PCSK5: variants seen among roughly 807,000 people sequenced by gnomAD.
PCSK5 encodes the protein proprotein convertase subtilisin/kexin type 5, also known as prohormone convertase 5.
In PCSK5, 129 loss-of-function variants were observed where a neutral mutation model predicts 233.2. The observed-to-expected ratio is 0.55, with a 90% confidence interval of 0.48 to 0.64. The LOEUF (loss-of-function observed/expected upper bound fraction) is 0.64. Among genes scored for constraint, PCSK5 ranks in the 30% least tolerant of loss-of-function variants. The pLI is 0.00. For synonymous variants in PCSK5, 825 were observed against 879.2 expected (o/e 0.94, Z 1.09); for missense variants, 2,076 against 2,430.1 (o/e 0.85, Z 3.06).
intron 21 of PCSK5, among the ~76,000 whole-genome samples, chr9:76,228,811 T>C (rs982859508): frequency 2.0e-5 from 3 of 152,226 alleles, no homozygotes; most frequent in African/African-American, 7.2e-5. Context: ...CCCTCTGCTT[T>C]GCATTATGGT....
At chr9:76,156,959 G>C in intron 10 of PCSK5, 86 bp from the exon 11 acceptor site, 1 of 826,082 alleles carries the variant, frequency 1.2e-6, no homozygotes, top group South Asian at 1.4e-5. Context: ...GGATCCCATA[G>C]GGTGGTGTCT....
chr9:76,323,956 A>C (rs1829286636), intron 32 of PCSK5, among the ~76,000 whole-genome samples: 1 of 132,420 alleles, frequency 7.6e-6, no homozygotes. Context: ...TTTGAGACAG[A>C]GTCTCACTCT....
chr9:75,908,484 C>G (rs142353237), intron 1 of PCSK5, among the ~76,000 whole-genome samples: 264 of 152,286 alleles, frequency 1.7e-3, no homozygotes, highest in African/African-American at 6.2e-3. Flanking sequence ...CACTGCCTCC[C>G]CCTTTCCTCT....
rs1830443780 is a variant in PCSK5, at chr9:76,362,380, G to A, written c.*3458G>A. 6.6e-6 allele frequency: 1 copy of A among 152,184 alleles called. No individual in the cohort carries two copies. The highest frequency in any genetic ancestry group is 2.1e-4 in the South Asian group (1 of 4,830). The allele number at this position is 152,184 out of a possible 1,614,324, so 9.4% of individuals were successfully genotyped here. ...ACTTACTTATTAAATAACTTTCTGA[G>A]CATTTTTATGTGCTTAGCATTACAT... On this transcript the variant is annotated 3_prime_UTR_variant, in exon 38 of 38. Coordinates refer to ENST00000674117, the MANE Select transcript of PCSK5 (RefSeq NM_001372043.1).
At chr9:76,207,240 A>G (rs977431841) in intron 20 of PCSK5, among the ~76,000 whole-genome samples, 1 of 152,224 alleles carries the variant, frequency 6.6e-6, no homozygotes, top group African/African-American at 2.4e-5. Context: ...TGTACAAGGT[A>G]ATACTCACAG....
At chr9:76,139,310 G>T (rs1482924652) in intron 10 of PCSK5, among the ~76,000 whole-genome samples, 1 of 151,980 alleles carries the variant, frequency 6.6e-6, no homozygotes, top group Admixed American at 6.6e-5. Context: ...CATTTGAAAG[G>T]GTAAAGTTTC....
chr9:76,180,976 C>T (rs1823844779), intron 15 of PCSK5, among the ~76,000 whole-genome samples: 1 of 151,918 alleles, frequency 6.6e-6, no homozygotes, highest in Non-Finnish European at 1.5e-5. Flanking sequence ...CATACAACCA[C>T]CACCACCACT....
chr9:76,194,623 A>AT (rs1824597635), intron 20 of PCSK5: 19 of 342,652 alleles, frequency 5.5e-5, no homozygotes, highest in South Asian at 3.8e-4. Context: ...TTTAAGAAAT[A>AT]TTTTCACTGG....
At chr9:75,921,233 C>T (rs1823244945) in intron 1 of PCSK5, among the ~76,000 whole-genome samples, 1 of 152,148 alleles carries the variant, frequency 6.6e-6, no homozygotes, top group Admixed American at 6.6e-5. Context: ...ATGCCCTGGC[C>T]TTATCTCAGA....
chr9:76,323,301 G>A lies in PCSK5; in HGVS notation c.4339+13G>A. 6.6e-7 allele frequency: 1 copy of A among 1,513,404 alleles called. No homozygotes were observed. The highest frequency in any genetic ancestry group is 9.2e-7 in the Non-Finnish European group (1 of 1,091,664). 93.7% of individuals were successfully genotyped at this position (1,513,404 alleles called of 1,614,324 possible). ...AAGGAGTGCAGAGGTAAAGACTTCTGGGATTCAAAATAGGCTCCGGGGTTT... is the reference window on the plus strand; with the variant it reads ...AAGGAGTGCAGAGGTAAAGACTTCTAGGATTCAAAATAGGCTCCGGGGTTT... On this transcript the variant is annotated intron_variant, in intron 32 of 37. Transcript: ENST00000674117.
At position 76,212,178 on chromosome 9, in the gene PCSK5, C is replaced by G. The variant is rs193168203; in HGVS notation, c.2627-15325C>G. Among the ~76,000 whole-genome samples, 154 of 152,106 alleles carry G rather than the reference C, an allele frequency of 1.0e-3. 1 individual carries two copies. The highest frequency in any genetic ancestry group is 2.5e-3 in the South Asian group (12 of 4,812). ...TTCTGCTGGCCAAGGACAGGATGGC[C>G]CCTCTGAAGGAATGTGTAGGTGATG... On this transcript the variant is annotated intron_variant, in intron 20 of 37. Transcript: ENST00000674117.
intron 8 of PCSK5, among the ~76,000 whole-genome samples, chr9:76,100,280 A>G (rs182596472): frequency 5.9e-5 from 9 of 152,388 alleles, no homozygotes; most frequent in African/African-American, 1.9e-4. Flanking sequence ...TTAAAGTTGT[A>G]TAACGAAAGA....
chr9:76,092,981 C>A (rs2131643245), intron 7 of PCSK5, among the ~76,000 whole-genome samples: 1 of 151,242 alleles, frequency 6.6e-6, no homozygotes. Context: ...CTTTTCTGAT[C>A]TTACCATACA....
chr9:76,068,135 C>T lies in PCSK5; in HGVS notation c.721+92C>T, dbSNP rs570849081. ...GAATCCTTTTTAAATGGAGGTTAAA[C>T]GATTGGGCATATCTCTACCTAATAG... On this transcript the variant is annotated intron_variant, in intron 6 of 37. Coordinates refer to ENST00000674117, the MANE Select transcript of PCSK5 (RefSeq NM_001372043.1). 28 of 856,436 alleles carry T rather than the reference C, an allele frequency of 3.3e-5. No homozygotes were observed. The East Asian group carries it at 5.7e-4, about 17-fold the overall frequency. The allele number at this position is 856,436 out of a possible 1,614,324, so 53.1% of individuals were successfully genotyped here. A position where few individuals can be genotyped will look rare whatever the true frequency, so the allele number is the denominator to read the frequency against.
chr9:76,355,724 G>C (rs1587374048), intron 37 of PCSK5, among the ~76,000 whole-genome samples: 1 of 147,054 alleles, frequency 6.8e-6, no homozygotes, highest in Non-Finnish European at 1.5e-5. Flanking sequence ...TTTTTGTTTT[G>C]ACAGAGTGTG....
intron 21 of PCSK5, among the ~76,000 whole-genome samples, chr9:76,228,926 T>C (rs974241762): frequency 6.6e-6 from 1 of 152,178 alleles, no homozygotes; most frequent in African/African-American, 2.4e-5. Flanking sequence ...TCAATAAATG[T>C]GCTTTATTGA....
intron 5 of PCSK5, among the ~76,000 whole-genome samples, chr9:76,030,152 CA>C (rs200529520): frequency 0.15 from 20,685 of 140,866 alleles, 1,544 homozygotes; most frequent in South Asian, 0.27. Context: ...ATACTTTAAG[CA>C]AAAAAAAAAA....
At chr9:76,349,149 C>T (rs191798553) in intron 35 of PCSK5, among the ~76,000 whole-genome samples, 173 of 151,844 alleles carry the variant, frequency 1.1e-3, no homozygotes, top group East Asian at 2.9e-3. Flanking sequence ...TGGCGGGCTC[C>T]TGTAGTCCCA....
At chr9:76,072,737 G>T (rs530346020) in intron 7 of PCSK5, among the ~76,000 whole-genome samples, 3 of 152,180 alleles carry the variant, frequency 2.0e-5, no homozygotes, top group Middle Eastern at 3.4e-3. Context: ...AGCACAGAAC[G>T]CTTTCCTTGT....
Sources: allele counts gnomAD v4.1 joint callset (sites outside exome capture counted in the v4.1 genomes callset), GRCh38; gene constraint gnomAD v4.1.1; transcripts MANE v1.5; gene names NCBI Gene and HGNC (gene_info 2026-07-23, HGNC 2026-07-21).